RAB3GAP2: variants seen among roughly 807,000 people sequenced by gnomAD.
RAB3GAP2 encodes RAB3 GTPase activating non-catalytic protein subunit 2, also known as rab3 GTPase-activating protein non-catalytic subunit.
A neutral mutation model predicts 185.3 loss-of-function variants in RAB3GAP2; 87 were observed. The observed-to-expected ratio is 0.47, with a 90% CI of 0.39 to 0.56. RAB3GAP2 has a LOEUF of 0.56. Ranked by LOEUF, RAB3GAP2 falls within the 20% of genes least tolerant of loss-of-function variation. The probability of loss-of-function intolerance (pLI) is 0.00; values close to 1 mark genes in which losing one functional copy is unlikely to be tolerated. For synonymous variants in RAB3GAP2, 554 were observed against 576.1 expected (o/e 0.96, Z 0.55); for missense variants, 1,492 against 1,638.2 (o/e 0.91, Z 1.54).
At chr1:220,213,021 G>C in intron 3 of RAB3GAP2, 53 bp from the exon 4 acceptor site, 3 of 1,332,588 alleles carry the variant, frequency 2.3e-6, no homozygotes, top group Non-Finnish European at 3.1e-6. Flanking sequence ...TACACTAAAA[G>C]AGTAATTTAT....
At chr1:220,180,619 C>T (rs1658384871) in intron 21 of RAB3GAP2, among the ~76,000 whole-genome samples, 1 of 152,190 alleles carries the variant, frequency 6.6e-6, no homozygotes, top group South Asian at 2.1e-4. Flanking sequence ...AAGCCCAGAT[C>T]TGATGAATTT....
chr1:220,189,364 C>T (rs1430740422), intron 17 of RAB3GAP2, among the ~76,000 whole-genome samples: 1 of 151,776 alleles, frequency 6.6e-6, no homozygotes, highest in Non-Finnish European at 1.5e-5. Context: ...TTACAGGCGC[C>T]CGCCAATACT....
chr1:220,186,115 T>C (rs1012615517), intron 17 of RAB3GAP2, among the ~76,000 whole-genome samples: 5 of 152,150 alleles, frequency 3.3e-5, no homozygotes, highest in Non-Finnish European at 7.4e-5. Flanking sequence ...GTCATGTCAA[T>C]AACAAAAGCT....
chr1:220,181,275 C>A (rs899808840), intron 21 of RAB3GAP2, among the ~76,000 whole-genome samples: 6 of 152,118 alleles, frequency 3.9e-5, no homozygotes, highest in Non-Finnish European at 4.4e-5. Context: ...GGACATGCCA[C>A]CATGCCTGGC....
At chr1:220,236,101 A>C (rs1659586139) in intron 1 of RAB3GAP2, among the ~76,000 whole-genome samples, 1 of 152,246 alleles carries the variant, frequency 6.6e-6, no homozygotes, top group Non-Finnish European at 1.5e-5. Context: ...GAGAGAATGC[A>C]TTCCAAATTA....
At chr1:220,175,379 C>T (rs909727343) in intron 21 of RAB3GAP2, among the ~76,000 whole-genome samples, 5 of 152,034 alleles carry the variant, frequency 3.3e-5, no homozygotes, top group African/African-American at 7.3e-5. Flanking sequence ...CCACCATGCC[C>T]GGCTAATTTT....
At chr1:220,248,021 TTA>T (rs151059910) in intron 1 of RAB3GAP2, among the ~76,000 whole-genome samples, 6,216 of 151,884 alleles carry the variant, frequency 0.041, 260 homozygotes, top group East Asian at 0.2. Flanking sequence ...AATAAAAATA[TTA>T]TGAGATCCAG....
chr1:220,152,896 T>A (rs1379391995), intron 33 of RAB3GAP2, among the ~76,000 whole-genome samples: 1 of 152,034 alleles, frequency 6.6e-6, no homozygotes, highest in African/African-American at 2.4e-5. Flanking sequence ...CAATGCAAAA[T>A]TTAGCATGCT....
chr1:220,218,118 A>G (rs751394431), intron 2 of RAB3GAP2, among the ~76,000 whole-genome samples: 118 of 152,346 alleles, frequency 7.7e-4, no homozygotes, highest in Non-Finnish European at 1.4e-3. Context: ...TTTTATTTAC[A>G]TGAAACTTGA....
intron 12 of RAB3GAP2, 87 bp from the exon 13 acceptor site, chr1:220,193,466 G>T: frequency 1.5e-6 from 2 of 1,290,518 alleles, no homozygotes; most frequent in Non-Finnish European, 1.1e-6. Context: ...AATGAAATAG[G>T]CTGAATCTGT....
At chr1:220,233,739 T>C (rs1659542775) in intron 1 of RAB3GAP2, among the ~76,000 whole-genome samples, 1 of 152,136 alleles carries the variant, frequency 6.6e-6, no homozygotes, top group African/African-American at 2.4e-5. Context: ...CTCACTCTGC[T>C]GTCCAGGCTA....
intron 1 of RAB3GAP2, chr1:220,254,615 A>G (rs2814494): frequency 0.32 from 350,114 of 1,109,116 alleles, 63,488 homozygotes; most frequent in African/African-American, 0.69. Flanking sequence ...TTGTACAAAC[A>G]ATGTGCTTTG....
intron 2 of RAB3GAP2, among the ~76,000 whole-genome samples, chr1:220,223,896 C>T (rs1659355272): frequency 1.4e-5 from 2 of 145,260 alleles, no homozygotes; most frequent in East Asian, 2.1e-4. Flanking sequence ...AAGACCCCAT[C>T]TGTAAAAAAA....
intron 18 of RAB3GAP2, 39 bp downstream of exon 18, chr1:220,185,612 G>T: frequency 6.7e-7 from 1 of 1,490,848 alleles, no homozygotes; most frequent in Non-Finnish European, 9.3e-7. Flanking sequence ...CAAAATTTGA[G>T]TTAAGAACAT....
intron 29 of RAB3GAP2, 86 bp from the exon 30 acceptor site, chr1:220,157,962 A>C: frequency 7.9e-6 from 8 of 1,008,978 alleles, no homozygotes; most frequent in Non-Finnish European, 1.2e-5. Flanking sequence ...GATACAATAC[A>C]CTGGTTCAGC....
chr1:220,270,786 T>C (rs868177480), intron 1 of RAB3GAP2, among the ~76,000 whole-genome samples: 1 of 152,346 alleles, frequency 6.6e-6, no homozygotes, highest in Middle Eastern at 3.4e-3. Context: ...ACAAATGTTG[T>C]TGATTACATT....
intron 2 of RAB3GAP2, among the ~76,000 whole-genome samples, chr1:220,231,761 TGAAA>T (rs1311614318): frequency 6.6e-6 from 1 of 152,216 alleles, no homozygotes; most frequent in Non-Finnish European, 1.5e-5. Flanking sequence ...CCCTAACTCC[TGAAA>T]GAGTCATGAA....
intron 10 of RAB3GAP2, among the ~76,000 whole-genome samples, chr1:220,195,820 G>A (rs1292351229): frequency 6.6e-6 from 1 of 152,156 alleles, no homozygotes; most frequent in African/African-American, 2.4e-5. Context: ...TTTTAAGTGA[G>A]AAACAAGAGC....
Position 220,199,690 on chromosome 1 carries a change from TCTC to T in RAB3GAP2, c.811+2583_811+2585del, listed in dbSNP as rs1241751950. On this transcript the variant is annotated intron_variant, in intron 9 of 34. Coordinates refer to ENST00000358951, the MANE Select transcript of RAB3GAP2 (RefSeq NM_012414.4). ...TATTTGACTACCTTAAATCTCTTCC[TCTC>T]CTCCTCCTTATTCTCATTTCAGTAA... Among the ~76,000 whole-genome samples the T allele has an allele frequency of 1.3e-4, 20 of 152,186 alleles. No homozygotes were observed. The East Asian group carries it at 3.3e-3, about 25-fold the overall frequency.
Sources: gnomAD v4.1 joint callset for allele counts (sites outside exome capture counted in the v4.1 genomes callset) on GRCh38, gnomAD v4.1.1 for gene constraint, MANE v1.5 for transcripts, NCBI Gene and HGNC (gene_info 2026-07-23, HGNC 2026-07-21) for gene names.